LOC128092252: variants seen among roughly 807,000 people sequenced by gnomAD.
the LOC128092252 span, among the ~76,000 whole-genome samples, chr15:50,669,755 C>T: frequency 6.6e-6 from 1 of 151,610 alleles, no homozygotes; most frequent in Non-Finnish European, 1.5e-5. Context: ...TCCTGTGAAC[C>T]AATCAGTGAT....
chr15:50,658,631 G>C, the LOC128092252 span, among the ~76,000 whole-genome samples: 1 of 151,636 alleles, frequency 6.6e-6, no homozygotes, highest in African/African-American at 2.4e-5. Flanking sequence ...GTATCTGTGG[G>C]TGAGAGTATA....
chr15:50,664,547 T>C, the LOC128092252 span, among the ~76,000 whole-genome samples: 8 of 152,136 alleles, frequency 5.3e-5, no homozygotes, highest in Non-Finnish European at 1.0e-4. Flanking sequence ...ATTATAATCT[T>C]AAATATGATT....
At chr15:50,678,040 C>T in the LOC128092252 span, among the ~76,000 whole-genome samples, 43 of 151,628 alleles carry the variant, frequency 2.8e-4, no homozygotes, top group African/African-American at 1.0e-3. Flanking sequence ...GAGATTGAGA[C>T]CAGTCTGACC....
At chr15:50,676,513 G>A in the LOC128092252 span, among the ~76,000 whole-genome samples, 1 of 151,942 alleles carries the variant, frequency 6.6e-6, no homozygotes, top group South Asian at 2.1e-4. Flanking sequence ...GAGGCCAGGA[G>A]TTTGAGACCA....
the LOC128092252 span, among the ~76,000 whole-genome samples, chr15:50,655,724 G>C: frequency 1.3e-5 from 2 of 152,112 alleles, no homozygotes; most frequent in Non-Finnish European, 2.9e-5. Context: ...TGGGCTGGGC[G>C]CAACAGCTCA....
At chr15:50,667,120 G>C in the LOC128092252 span, among the ~76,000 whole-genome samples, 437 of 152,170 alleles carry the variant, frequency 2.9e-3, 3 homozygotes, top group African/African-American at 0.01. Context: ...CTGCAGCATT[G>C]ATTGGCCGAC....
the LOC128092252 span, among the ~76,000 whole-genome samples, chr15:50,683,137 C>G: frequency 6.6e-6 from 1 of 151,820 alleles, no homozygotes; most frequent in Non-Finnish European, 1.5e-5. Context: ...ATCCACCCGC[C>G]TCAGTCTCTC....
chr15:50,669,116 T>G, the LOC128092252 span, among the ~76,000 whole-genome samples: 3 of 152,106 alleles, frequency 2.0e-5, no homozygotes, highest in Non-Finnish European at 4.4e-5. Context: ...ATAAAGGTAT[T>G]TGAGGGTACA....
the LOC128092252 span, among the ~76,000 whole-genome samples, chr15:50,651,142 G>C: frequency 6.6e-6 from 1 of 152,132 alleles, no homozygotes; most frequent in Non-Finnish European, 1.5e-5. Context: ...AACTGATATG[G>C]TGCCACTGCA....
the LOC128092252 span, among the ~76,000 whole-genome samples, chr15:50,654,227 C>G: frequency 6.7e-6 from 1 of 150,248 alleles, no homozygotes; most frequent in South Asian, 2.1e-4. Context: ...GGGCGGATCA[C>G]CTGAGGTCAG....
the LOC128092252 span, among the ~76,000 whole-genome samples, chr15:50,664,889 T>C: frequency 2.0e-5 from 3 of 152,088 alleles, no homozygotes; most frequent in African/African-American, 4.8e-5. Flanking sequence ...CACTTGAGCC[T>C]GGGAGGTCAA....
the LOC128092252 span, among the ~76,000 whole-genome samples, chr15:50,651,011 A>G: frequency 7.9e-5 from 12 of 151,796 alleles, no homozygotes; most frequent in Non-Finnish European, 1.6e-4. Context: ...AACATGGTGA[A>G]CCCCATCTCT....
chr15:50,666,263 C>T, the LOC128092252 span, among the ~76,000 whole-genome samples: 4 of 151,404 alleles, frequency 2.6e-5, no homozygotes, highest in African/African-American at 9.7e-5. Context: ...ATGGCAAAAC[C>T]CCATCTCTAC....
At chr15:50,654,271 C>A in the LOC128092252 span, among the ~76,000 whole-genome samples, 16 of 149,024 alleles carry the variant, frequency 1.1e-4, no homozygotes, top group Admixed American at 2.0e-4. Flanking sequence ...CATAGTGAAA[C>A]CCCATCTCTA....
At chr15:50,668,314 ACTTTTTTG>A in the LOC128092252 span, among the ~76,000 whole-genome samples, 200 of 152,236 alleles carry the variant, frequency 1.3e-3, no homozygotes, top group Non-Finnish European at 2.2e-3. Context: ...CATCTTTTTT[ACTTTTTTG>A]CTTAAAACGT....
At chr15:50,683,437 T>TA in the LOC128092252 span, among the ~76,000 whole-genome samples, 165 of 144,156 alleles carry the variant, frequency 1.1e-3, 1 homozygote, top group East Asian at 0.013. Flanking sequence ...TCTTAACATT[T>TA]AAAAAAAAAA....
chr15:50,675,070 C>T, the LOC128092252 span, among the ~76,000 whole-genome samples: 11 of 152,204 alleles, frequency 7.2e-5, no homozygotes, highest in African/African-American at 2.2e-4. Flanking sequence ...TGGCTGGGCA[C>T]GGTGGCTCAT....
At chr15:50,649,743 C>T in the LOC128092252 span, among the ~76,000 whole-genome samples, 8 of 152,216 alleles carry the variant, frequency 5.3e-5, no homozygotes, top group South Asian at 1.2e-3. Flanking sequence ...CCTAGTGGAG[C>T]TGGGCAGTCT....
chr15:50,682,005 C>T, the LOC128092252 span, among the ~76,000 whole-genome samples: 8 of 151,806 alleles, frequency 5.3e-5, no homozygotes, highest in Non-Finnish European at 1.0e-4. Flanking sequence ...TGGGGAAACC[C>T]TGTCTCTACT....
Sources: gnomAD v4.1 joint callset for allele counts (sites outside exome capture counted in the v4.1 genomes callset) on GRCh38, gnomAD v4.1.1 for gene constraint, MANE v1.5 for transcripts.